The following PRKCE variants were observed in gnomAD, a reference collection of about 807,000 sequenced individuals.
The protein encoded by PRKCE is protein kinase C epsilon, also known as protein kinase C epsilon type.
PRKCE carries 16 observed loss-of-function variants against 85.4 expected under a neutral mutation model. The ratio of observed to expected loss-of-function variants is 0.19; its 90% confidence interval spans 0.13 to 0.28. PRKCE has a LOEUF of 0.28. Ranked by LOEUF, PRKCE falls within the 10% of genes least tolerant of loss-of-function variation. PRKCE has a pLI of 1.00. For missense variants in PRKCE, 573 were observed against 975.2 expected, an observed-to-expected ratio of 0.59 and a Z score of 5.49; for synonymous variants, 388 against 371.5, an observed-to-expected ratio of 1.04 and a Z score of -0.51.
chr2:46,038,912 C>G (rs1398099685), intron 10 of PRKCE, among the ~76,000 whole-genome samples: 1 of 152,186 alleles, frequency 6.6e-6, no homozygotes, highest in South Asian at 2.1e-4. Flanking sequence ...GGGAATCAGA[C>G]CTTACCAATA....
chr2:46,004,461 C>T lies in PRKCE; in HGVS notation c.967-81C>T, dbSNP rs192174384. On this transcript the variant is annotated intron_variant, in intron 7 of 14. Coordinates refer to ENST00000306156, the MANE Select transcript of PRKCE (RefSeq NM_005400.3). The surrounding 1 kb of genome is among the most constrained non-coding windows in gnomAD (Gnocchi z 4.1). ...TCTGGGAACTCTCATGGCTCTTATA[C>T]GGCATCTTGATGCTTTTGACATCAG... The T allele has an allele frequency of 3.4e-4, 392 of 1,136,602 alleles. 1 individual carries two copies. The African/African-American group carries it at 4.9e-3, about 14-fold the overall frequency. 70.4% of individuals were successfully genotyped at this position (1,136,602 alleles called of 1,614,324 possible). A position where few individuals can be genotyped will look rare whatever the true frequency, so the allele number is the denominator to read the frequency against.
intron 2 of PRKCE, among the ~76,000 whole-genome samples, chr2:45,959,642 A>T (rs1424501694): frequency 3.3e-5 from 5 of 152,120 alleles, no homozygotes; most frequent in Non-Finnish European, 7.4e-5. Context: ...GAACACTTTG[A>T]TCTGAAACTT....
intron 11 of PRKCE, among the ~76,000 whole-genome samples, chr2:46,141,976 C>T (rs1675586195): frequency 6.6e-6 from 1 of 152,132 alleles, no homozygotes; most frequent in South Asian, 2.1e-4. Flanking sequence ...AGTCCTCCTG[C>T]CCAGTAAGGT....
Position 45,652,462 on chromosome 2 carries a change from C to T in PRKCE, c.348+14C>T, listed in dbSNP as rs752339213. On this transcript the variant is annotated intron_variant, in intron 1 of 14. Coordinates refer to ENST00000306156, the MANE Select transcript of PRKCE (RefSeq NM_005400.3). The surrounding 1 kb of genome is among the most constrained non-coding windows in gnomAD (Gnocchi z 7.7). ...TTCGAGGACTGGGTGAGTGCGGCGC[C>T]TCCCCGTCATTCCGGGAACCCGGTT... 9 of 1,592,700 alleles carry T rather than the reference C, an allele frequency of 5.7e-6. No homozygotes were observed. Among genetic ancestry groups the T allele is most frequent in the South Asian group, 1.1e-5 (1 of 89,816 alleles).
intron 6 of PRKCE, among the ~76,000 whole-genome samples, chr2:46,000,623 A>C (rs1214831286): frequency 6.6e-6 from 1 of 151,626 alleles, no homozygotes; most frequent in Non-Finnish European, 1.5e-5. Flanking sequence ...CATATTTACT[A>C]TGAGAATCTA....
chr2:45,711,100 C>T (rs997247600), intron 1 of PRKCE, among the ~76,000 whole-genome samples: 5 of 152,210 alleles, frequency 3.3e-5, no homozygotes, highest in Admixed American at 6.5e-5. Flanking sequence ...GCTCAGAGCA[C>T]GAACTTTGCA....
chr2:45,893,135 A>G (rs4953285), intron 2 of PRKCE, among the ~76,000 whole-genome samples: 55,781 of 152,036 alleles, frequency 0.37, 10,570 homozygotes, highest in East Asian at 0.56. Context: ...AGGGAAAGTT[A>G]GGAAGGGTCA....
chr2:45,655,223 C>T (rs1483536994), intron 1 of PRKCE, among the ~76,000 whole-genome samples: 2 of 152,192 alleles, frequency 1.3e-5, no homozygotes, highest in African/African-American at 4.8e-5. Context: ...AAGGAATTGA[C>T]ACCAAGTACC....
At chr2:45,737,137 G>A (rs910659042) in intron 1 of PRKCE, among the ~76,000 whole-genome samples, 1 of 152,224 alleles carries the variant, frequency 6.6e-6, no homozygotes, top group Admixed American at 6.5e-5. Context: ...CTCCAAGGAA[G>A]TGTGGTTATG....
intron 1 of PRKCE, among the ~76,000 whole-genome samples, chr2:45,830,071 T>TA (rs1690285415): frequency 3.8e-5 from 1 of 26,384 alleles, no homozygotes; most frequent in African/African-American, 2.1e-4. Flanking sequence ...AGACTCCGTC[T>TA]CAAAAAAAAA....
intron 10 of PRKCE, among the ~76,000 whole-genome samples, chr2:46,039,485 C>T (rs1345327270): frequency 6.6e-6 from 1 of 151,960 alleles, no homozygotes; most frequent in African/African-American, 2.4e-5. Context: ...ACCCTACTGA[C>T]CATGATTTTT....
intron 1 of PRKCE, among the ~76,000 whole-genome samples, chr2:45,687,579 AT>A (rs1473711596): frequency 1.3e-5 from 2 of 152,200 alleles, no homozygotes; most frequent in African/African-American, 4.8e-5. Context: ...TCCCACAGAA[AT>A]ATTTATGTGT....
At chr2:46,038,688 CACACACACACACACAT>C (rs1439837292) in intron 10 of PRKCE, among the ~76,000 whole-genome samples, 3 of 149,402 alleles carry the variant, frequency 2.0e-5, no homozygotes, top group Admixed American at 6.6e-5. Context: ...CACACACACA[CACACACACACACACAT>C]TTTCCAGATA....
Position 45,920,749 on chromosome 2 carries a change from G to A in PRKCE, c.413-55680G>A, listed in dbSNP as rs190372405. Among the ~76,000 whole-genome samples, 8 of 152,278 alleles carry A rather than the reference G, an allele frequency of 5.3e-5. No individual in the cohort carries two copies. In the East Asian group the frequency reaches 1.4e-3, roughly 26 times the overall value. On this transcript the variant is annotated intron_variant, in intron 2 of 14. Coordinates refer to ENST00000306156, the MANE Select transcript of PRKCE (RefSeq NM_005400.3). ...GGGGGTGGGGAATTGGAGAACAGGGGGTGGTCGCTAAAGAATAAGGAGTTA... is the reference window on the plus strand; with the variant it reads ...GGGGGTGGGGAATTGGAGAACAGGGAGTGGTCGCTAAAGAATAAGGAGTTA...
At chr2:46,099,328 A>T (rs965705956) in intron 11 of PRKCE, among the ~76,000 whole-genome samples, 7 of 152,002 alleles carry the variant, frequency 4.6e-5, no homozygotes, top group Non-Finnish European at 7.4e-5. Context: ...CTCCTCTTTG[A>T]GTCACTACTT....
In PRKCE at chr2:45,786,826, G is replaced by A. The variant is rs143293291; in HGVS notation, c.349-56174G>A. Among the ~76,000 whole-genome samples, 1,723 of 152,324 alleles carry A rather than the reference G, an allele frequency of 0.011. 13 individuals are homozygous for A. The highest frequency in any genetic ancestry group is 0.015 in the Non-Finnish European group (1,000 of 68,028). On this transcript the variant is annotated intron_variant, in intron 1 of 14. Coordinates refer to ENST00000306156, the MANE Select transcript of PRKCE (RefSeq NM_005400.3). The surrounding 1 kb of genome is among the most constrained non-coding windows in gnomAD (Gnocchi z 5.3). ...CCCCCGTTTTACAGAGGTGGAAACC[G>A]AGGGTTTAGACAGCTGAAGTAACTT...
rs187266528 is a variant in PRKCE, at chr2:46,041,102, A to G, written c.1437+30585A>G. Among the ~76,000 whole-genome samples, 101 of 152,350 alleles carry G rather than the reference A, an allele frequency of 6.6e-4. No individual in the cohort carries two copies. Among genetic ancestry groups the G allele is most frequent in the African/African-American group, 2.4e-3 (99 of 41,590 alleles). On this transcript the variant is annotated intron_variant, in intron 10 of 14. Coordinates refer to ENST00000306156, the MANE Select transcript of PRKCE (RefSeq NM_005400.3). This position sits in a 1 kb window ranked among gnomAD's most constrained non-coding sequence, Gnocchi z 5.5. ...GTAGGTGGCACGAGGTATTCATTTC[A>G]TAAGTAGGTTTGGATTCGGCAGGTC...
At chr2:45,721,021 C>T (rs1043680205) in intron 1 of PRKCE, among the ~76,000 whole-genome samples, 2 of 152,100 alleles carry the variant, frequency 1.3e-5, no homozygotes, top group South Asian at 2.1e-4. Context: ...GCAAAAGAAT[C>T]GCTTGAACCT....
intron 6 of PRKCE, 127 bp downstream of exon 6, chr2:45,984,807 G>C (rs1187881418): frequency 1.5e-6 from 2 of 1,323,246 alleles, no homozygotes; most frequent in Non-Finnish European, 2.0e-6. Flanking sequence ...GCAAGCCTTT[G>C]TTAATCCTGC....
Sources: gnomAD v4.1 joint callset for allele counts (sites outside exome capture counted in the v4.1 genomes callset) on GRCh38, gnomAD v4.1.1 for gene constraint, Gnocchi (gnomAD v3.1) non-coding constraint, MANE v1.5 for transcripts, NCBI Gene and HGNC (gene_info 2026-07-23, HGNC 2026-07-21) for gene names.